Variants in COX7B2 observed in about 807,000 individuals in gnomAD.
The protein encoded by COX7B2 is cytochrome c oxidase subunit 7B2.
For missense variants in COX7B2, 109 were observed against 95.9 expected (o/e 1.14, Z -0.57); for synonymous variants, 37 against 32.1 (o/e 1.15, Z -0.51).
At chr4:46,900,176 A>C (rs1487232082) in intron 1 of COX7B2, among the ~76,000 whole-genome samples, 1 of 152,182 alleles carries the variant, frequency 6.6e-6, no homozygotes, top group Non-Finnish European at 1.5e-5. Context: ...GAAAGCATAG[A>C]GCAGAAAATT....
intron 1 of COX7B2, among the ~76,000 whole-genome samples, chr4:46,874,350 G>A (rs752918651): frequency 4.6e-5 from 7 of 152,158 alleles, no homozygotes; most frequent in Admixed American, 2.6e-4. Context: ...GTTTTTAGTC[G>A]CAGTGAAGAT....
At chr4:46,761,493 G>T (rs552623467) in intron 2 of COX7B2, among the ~76,000 whole-genome samples, 4 of 152,264 alleles carry the variant, frequency 2.6e-5, no homozygotes, top group African/African-American at 9.6e-5. Context: ...TCCGAGGGCA[G>T]GTGAAAGAGC....
chr4:46,762,272 A>G (rs1169553213), intron 2 of COX7B2, among the ~76,000 whole-genome samples: 1 of 140,524 alleles, frequency 7.1e-6, no homozygotes, highest in Non-Finnish European at 1.5e-5. Flanking sequence ...TATATTTAAT[A>G]TATATGTAAC....
chr4:46,784,495 C>T (rs990836392), intron 2 of COX7B2, among the ~76,000 whole-genome samples: 6 of 152,014 alleles, frequency 3.9e-5, no homozygotes, highest in African/African-American at 1.4e-4. Context: ...CATGGTGGCG[C>T]ATGCCTGTAA....
rs532013857 is a variant in COX7B2 at position 46,742,048 on chromosome 4, G to A, written c.-49-6807C>T. On this transcript the variant is annotated intron_variant, in intron 2 of 2. Transcript: ENST00000355591. ...TTTAGGCCACTGAAAGAGTACAATAGTAATTGAATCTACTACCATGGTAAT... is the reference window on the plus strand; with the variant it reads ...TTTAGGCCACTGAAAGAGTACAATAATAATTGAATCTACTACCATGGTAAT... Among the ~76,000 whole-genome samples the A allele has an allele frequency of 1.6e-4, 24 of 152,268 alleles. No homozygotes were observed. The South Asian group carries it at 4.8e-3, about 30-fold the overall frequency.
intron 1 of COX7B2, among the ~76,000 whole-genome samples, chr4:46,883,858 T>C (rs1718901765): frequency 6.6e-6 from 1 of 152,156 alleles, no homozygotes; most frequent in African/African-American, 2.4e-5. Context: ...GAATGAAGTT[T>C]CAAACATTAT....
intron 2 of COX7B2, among the ~76,000 whole-genome samples, chr4:46,762,415 TAA>T (rs1491115536): frequency 1.4e-5 from 2 of 138,146 alleles, no homozygotes; most frequent in East Asian, 2.0e-4. Context: ...TAATATTATA[TAA>T]TATATATATT....
chr4:46,908,055 G>C lies in COX7B2; in HGVS notation c.-105+1105C>G, dbSNP rs116366362. 6.7e-3 allele frequency among the ~76,000 whole-genome samples: 1,012 copies of C among 151,770 alleles called. 13 individuals carry two copies. The highest frequency in any genetic ancestry group is 0.023 in the African/African-American group (948 of 41,358). ...TTTTAGTAGAGATGCGTTTCACCCTGTTGGCCAGGATGGTCTCGATCTCTT... is the reference window on the plus strand; with the variant it reads ...TTTTAGTAGAGATGCGTTTCACCCTCTTGGCCAGGATGGTCTCGATCTCTT... On this transcript the variant is annotated intron_variant, in intron 1 of 2. Transcript: ENST00000355591.
At chr4:46,741,127 C>T (rs1182861662) in intron 2 of COX7B2, among the ~76,000 whole-genome samples, 2 of 152,060 alleles carry the variant, frequency 1.3e-5, no homozygotes, top group African/African-American at 4.8e-5. Context: ...ACAAATGACC[C>T]ACTTAGCTTC....
chr4:46,758,870 G>A (rs1715959480), intron 2 of COX7B2, among the ~76,000 whole-genome samples: 1 of 152,114 alleles, frequency 6.6e-6, no homozygotes, highest in African/African-American at 2.4e-5. Context: ...ATAGCAAACA[G>A]CTATATCTTC....
intron 2 of COX7B2, among the ~76,000 whole-genome samples, chr4:46,836,781 T>C (rs1715543297): frequency 6.6e-6 from 1 of 152,068 alleles, no homozygotes; most frequent in African/African-American, 2.4e-5. Context: ...AGGTAAGTAA[T>C]GCATTGCACT....
intron 2 of COX7B2, among the ~76,000 whole-genome samples, chr4:46,838,099 G>C (rs187766146): frequency 4.6e-5 from 7 of 152,036 alleles, no homozygotes; most frequent in South Asian, 2.1e-4. Flanking sequence ...AAGCAAAATA[G>C]TTTCAAAAAA....
At chr4:46,789,807 T>C (rs764207114) in intron 2 of COX7B2, among the ~76,000 whole-genome samples, 9 of 152,184 alleles carry the variant, frequency 5.9e-5, no homozygotes, top group Non-Finnish European at 1.2e-4. Context: ...GGTATACTCT[T>C]TGGGGAATTA....
chr4:46,766,605 G>C (rs1414350137), intron 2 of COX7B2, among the ~76,000 whole-genome samples: 2 of 152,064 alleles, frequency 1.3e-5, no homozygotes, highest in Non-Finnish European at 2.9e-5. Context: ...GGGAGGCTGA[G>C]GCAGGAGAAT....
intron 2 of COX7B2, among the ~76,000 whole-genome samples, chr4:46,766,428 G>A (rs924279050): frequency 1.3e-5 from 2 of 151,996 alleles, no homozygotes; most frequent in African/African-American, 4.8e-5. Context: ...AGCCGGGCAT[G>A]GTGGCTCATG....
intron 1 of COX7B2, among the ~76,000 whole-genome samples, chr4:46,892,386 TATTATCCATGAGGAAATTCATGACAC>T (rs2109873872): frequency 6.6e-6 from 1 of 152,350 alleles, no homozygotes; most frequent in Non-Finnish European, 1.5e-5. Flanking sequence ...TCTTTACTTC[TATTATCCATGAGGAAATTCATGACAC>T]ATTTTACATG....
chr4:46,844,023 T>C (rs1224702875), intron 2 of COX7B2, among the ~76,000 whole-genome samples: 4 of 151,806 alleles, frequency 2.6e-5, no homozygotes, highest in African/African-American at 7.3e-5. Flanking sequence ...CAGAGAGGAG[T>C]TTCTGGCTTG....
At chr4:46,756,763 A>T (rs1388284930) in intron 2 of COX7B2, among the ~76,000 whole-genome samples, 1 of 152,160 alleles carries the variant, frequency 6.6e-6, no homozygotes, top group East Asian at 1.9e-4. Flanking sequence ...TATAGCAGTC[A>T]GAATGGGAAA....
At chr4:46,788,913 T>G (rs1355203267) in intron 2 of COX7B2, among the ~76,000 whole-genome samples, 1 of 152,116 alleles carries the variant, frequency 6.6e-6, no homozygotes, top group African/African-American at 2.4e-5. Flanking sequence ...GTAGAGAGAT[T>G]TAGGTGTGCG....
Sources: allele counts gnomAD v4.1 joint callset (sites outside exome capture counted in the v4.1 genomes callset), GRCh38; gene constraint gnomAD v4.1.1; transcripts MANE v1.5; gene names NCBI Gene and HGNC (gene_info 2026-07-23, HGNC 2026-07-21).